Variants in HERC2 observed in about 807,000 individuals in gnomAD.
HERC2 encodes HECT and RLD domain containing E3 ubiquitin protein ligase 2.
HERC2 carries 102 observed loss-of-function variants against 537.7 expected under a neutral mutation model. The observed-to-expected ratio is 0.19, with a 90% CI of 0.16 to 0.22. The LOEUF is 0.22. Ranked by LOEUF, HERC2 falls within the 10% of genes least tolerant of loss-of-function variation. The probability of loss-of-function intolerance (pLI) is 1.00; values close to 1 mark genes in which losing one functional copy is unlikely to be tolerated. For missense variants in HERC2, 4,236 were observed against 6,198.2 expected (o/e 0.68, Z 10.63); for synonymous variants, 2,224 against 2,466.2 (o/e 0.90, Z 2.91).
chr15:28,250,535 A>G (rs1334823016), intron 20 of HERC2, among the ~76,000 whole-genome samples: 4 of 152,218 alleles, frequency 2.6e-5, no homozygotes, highest in Non-Finnish European at 4.4e-5. Flanking sequence ...TAAAAACTTC[A>G]CAGCGCTCTA....
At position 28,166,062 on chromosome 15, in the gene HERC2, T is replaced by C. The variant is rs893223655; in HGVS notation, c.10554+1625A>G. The stretch of plus-strand genomic sequence containing the variant: ...AAATACTCAAAGAATGATGGGAATA[T>C]GCCAGAAGAACACATAAAATTCTAC... On this transcript the variant is annotated intron_variant, in intron 68 of 92. Coordinates refer to ENST00000261609, the MANE Select transcript of HERC2 (RefSeq NM_004667.6). Among the ~76,000 whole-genome samples the C allele has an allele frequency of 5.9e-5, 9 of 152,306 alleles. No individual in the cohort carries two copies. The East Asian group carries it at 1.4e-3, about 23-fold the overall frequency.
chr15:28,143,165 T>A (rs2142256642), intron 74 of HERC2, among the ~76,000 whole-genome samples: 1 of 152,198 alleles, frequency 6.6e-6, no homozygotes, highest in Non-Finnish European at 1.5e-5. Context: ...CATCTCAGAA[T>A]GTTTGGTCTT....
At chr15:28,263,245 T>A in intron 14 of HERC2, 76 bp from the exon 15 acceptor site, 1 of 1,510,292 alleles carries the variant, frequency 6.6e-7, no homozygotes, top group South Asian at 1.3e-5. Flanking sequence ...GCAAATAATA[T>A]AATGAAAAAC....
In HERC2 at chr15:28,275,702, GA is replaced by G. The variant is rs1305064134; in HGVS notation, c.543-698del. Among the ~76,000 whole-genome samples, 3 of 151,668 alleles carry G rather than the reference GA, an allele frequency of 2.0e-5. No individual in the cohort carries two copies. The East Asian group carries it at 5.8e-4, about 30-fold the overall frequency. On this transcript the variant is annotated intron_variant, in intron 5 of 92. Transcript: ENST00000261609. ...GGAGGCTGAGGCAGGAGAATGGTGTGAACCTGGGGGGTGCAGCTTGCAGTGA... is the reference window on the plus strand; with the variant it reads ...GGAGGCTGAGGCAGGAGAATGGTGTGACCTGGGGGGTGCAGCTTGCAGTGA...
intron 2 of HERC2, among the ~76,000 whole-genome samples, chr15:28,310,008 C>CT (rs1352527985): frequency 6.6e-5 from 10 of 152,162 alleles, no homozygotes; most frequent in African/African-American, 2.4e-4. Context: ...AAACTCCTTC[C>CT]AAAAAGTGAG....
At chr15:28,129,152 A>G (rs1035248684) in intron 83 of HERC2, among the ~76,000 whole-genome samples, 2 of 152,148 alleles carry the variant, frequency 1.3e-5, no homozygotes, top group Non-Finnish European at 2.9e-5. Context: ...GGACCGCCCC[A>G]CGCTCCTGAT....
chr15:28,117,213 G>T, intron 86 of HERC2, 59 bp from the exon 87 acceptor site: 2 of 1,534,176 alleles, frequency 1.3e-6, no homozygotes, highest in Non-Finnish European at 1.8e-6. Context: ...GCACACAGTC[G>T]GGGATATGCG....
intron 76 of HERC2, 69 bp downstream of exon 76, chr15:28,142,169 C>CA (rs2142248183): frequency 7.9e-6 from 12 of 1,520,290 alleles, no homozygotes; most frequent in Non-Finnish European, 9.8e-6. Flanking sequence ...GTAATATTGG[C>CA]ATCTTGTTAC....
At chr15:28,259,135 C>A (rs2140916273) in intron 16 of HERC2, among the ~76,000 whole-genome samples, 1 of 152,202 alleles carries the variant, frequency 6.6e-6, no homozygotes, top group African/African-American at 2.4e-5. Flanking sequence ...GCTCTTGTTG[C>A]CCAAGCTGGA....
chr15:28,271,498 C>A (rs561656288), intron 9 of HERC2, among the ~76,000 whole-genome samples: 29 of 152,206 alleles, frequency 1.9e-4, no homozygotes, highest in African/African-American at 7.0e-4. Flanking sequence ...GAAACCCCAT[C>A]TTTACTAAAA....
rs150008593 is a variant in HERC2, at chr15:28,228,027, G to A, written c.5464+191C>T. 3.3e-3 allele frequency among the ~76,000 whole-genome samples: 499 copies of A among 151,936 alleles called. 5 individuals carry two copies. The highest frequency in any genetic ancestry group is 0.011 in the African/African-American group (474 of 41,406). ...GAAAAAGTTCTACAACTAGACAGTG[G>A]TGATGACTCTAGAAAATCGTAAATG... On this transcript the variant is annotated intron_variant, in intron 35 of 92. Coordinates refer to ENST00000261609, the MANE Select transcript of HERC2 (RefSeq NM_004667.6).
rs1887672279 is a variant in HERC2 at position 28,111,784 on chromosome 15, T to C, written c.14484A>G (p.Gln4828=). 2.5e-6 allele frequency: 4 copies of C among 1,614,216 alleles called. No homozygotes were observed. Among genetic ancestry groups the C allele is most frequent in the Non-Finnish European group, 2.5e-6 (3 of 1,180,018 alleles). The change falls in exon 93 of 93, where the codon CAA becomes CAG. Residue 4828 remains glutamine (Q), a synonymous_variant. Coordinates refer to ENST00000261609, the MANE Select transcript of HERC2 (RefSeq NM_004667.6). ...DVDSFASDST[Q]DYLTGH ...CATCTTAGTGTCCTGTTAAATAATC[T>C]TGTGTAGAGTCCGAAGCAAAGGAGT...
In HERC2 at chr15:28,210,882, A is replaced by G. The variant is rs7166017; in HGVS notation, c.7069+120T>C. On this transcript the variant is annotated intron_variant, in intron 44 of 92. Coordinates refer to ENST00000261609, the MANE Select transcript of HERC2 (RefSeq NM_004667.6). ...AGTTGGTGGTTGCTGGGCAGGCCACATGTCTGTCTTGTACATTTATAAGCC... is the reference window on the plus strand; with the variant it reads ...AGTTGGTGGTTGCTGGGCAGGCCACGTGTCTGTCTTGTACATTTATAAGCC... 0.017 allele frequency: 17,084 copies of G among 1,019,716 alleles called. 1,320 individuals carry two copies. The African/African-American group carries it at 0.24, about 14-fold the overall frequency. The allele number at this position is 1,019,716 out of a possible 1,614,324, so 63.2% of individuals were successfully genotyped here.
chr15:28,223,403 T>G (rs1221212888), intron 35 of HERC2, among the ~76,000 whole-genome samples: 1 of 152,130 alleles, frequency 6.6e-6, no homozygotes, highest in African/African-American at 2.4e-5. Context: ...AGTTTGTGTT[T>G]CTCTCTCTTC....
chr15:28,306,174 T>G (rs189423490), intron 2 of HERC2, among the ~76,000 whole-genome samples: 246 of 152,356 alleles, frequency 1.6e-3, no homozygotes, highest in African/African-American at 5.7e-3. Flanking sequence ...CTTTCAGTTT[T>G]TCACCTTTCA....
rs573424785 is a variant in HERC2 at position 28,301,856 on chromosome 15, G to C, written c.73-2340C>G. Among the ~76,000 whole-genome samples, 567 of 136,710 alleles carry C rather than the reference G, an allele frequency of 4.1e-3. 1 individual carries two copies. The highest frequency in any genetic ancestry group is 0.015 in the African/African-American group (544 of 37,150). 89.7% of individuals were successfully genotyped at this position (136,710 alleles called of 152,430 possible). A position where few individuals can be genotyped will look rare whatever the true frequency, so the allele number is the denominator to read the frequency against. On this transcript the variant is annotated intron_variant, in intron 2 of 92. Transcript: ENST00000261609. ...CGTTCTGGCACTAAGCTGGAGTGCA[G>C]TTGTGCGATCTCAGCTCACTGCAAC...
At chr15:28,253,894 A>T (rs1231302155) in intron 20 of HERC2, among the ~76,000 whole-genome samples, 1 of 152,150 alleles carries the variant, frequency 6.6e-6, no homozygotes, top group Non-Finnish European at 1.5e-5. Flanking sequence ...CCCAGGAGGC[A>T]GAGGTTGCAG....
chr15:28,311,686 C>A (rs879872461), intron 2 of HERC2, among the ~76,000 whole-genome samples: 5 of 151,868 alleles, frequency 3.3e-5, no homozygotes, highest in Non-Finnish European at 7.4e-5. Context: ...AGACTCAAAT[C>A]TGGGAGTAGT....
intron 2 of HERC2, among the ~76,000 whole-genome samples, chr15:28,310,939 A>T (rs1477698812): frequency 1.3e-5 from 2 of 151,902 alleles, no homozygotes; most frequent in African/African-American, 4.8e-5. Flanking sequence ...TAGCCAGGTG[A>T]GGTGGCACGC....
Sources: gnomAD v4.1 joint callset for allele counts (sites outside exome capture counted in the v4.1 genomes callset) on GRCh38, gnomAD v4.1.1 for gene constraint, MANE v1.5 for transcripts, NCBI Gene and HGNC (gene_info 2026-07-23, HGNC 2026-07-21) for gene names.